FBLN1: variants seen among roughly 807,000 people sequenced by gnomAD.
The protein encoded by FBLN1 is fibulin-1.
In FBLN1, 34 loss-of-function variants were observed where a neutral mutation model predicts 89.7. That is an observed-to-expected ratio of 0.38 (90% CI 0.29 to 0.50). FBLN1 has a LOEUF of 0.50. FBLN1 is among the 20% of genes least tolerant of loss of function. The pLI, the probability that FBLN1 is intolerant of heterozygous loss-of-function variation, is 0.92. For synonymous variants in FBLN1, 393 were observed against 391.3 expected (o/e 1.00, Z -0.05); for missense variants, 777 against 988.1 (o/e 0.79, Z 2.86).
At chr22:45,504,048 C>T (rs999905846) in intron 1 of FBLN1, among the ~76,000 whole-genome samples, 1 of 152,200 alleles carries the variant, frequency 6.6e-6, no homozygotes, top group African/African-American at 2.4e-5. Context: ...CTTTGTTTCT[C>T]CAGTGGCCCA....
At chr22:45,534,153 A>G (rs1235874984) in intron 7 of FBLN1, among the ~76,000 whole-genome samples, 1 of 152,168 alleles carries the variant, frequency 6.6e-6, no homozygotes, top group Non-Finnish European at 1.5e-5. Context: ...GGTGCCAGCT[A>G]GTTCAGCTGT....
At chr22:45,555,270 GGAATATATA>G (rs1355186064) in intron 14 of FBLN1, among the ~76,000 whole-genome samples, 2 of 28,364 alleles carry the variant, frequency 7.1e-5, no homozygotes, top group Non-Finnish European at 1.7e-4. Context: ...TATATAAAAT[GGAATATATA>G]TATATATATA....
In FBLN1 at chr22:45,576,288, C is replaced by T. The variant is rs890882037; in HGVS notation, c.1841-689C>T. ...GTTTTGTGGCCTCTCCGGCCAGCCC[C>T]GATCTGAGTGTTGGTTATCGCAGGG... On this transcript the variant is annotated intron_variant, in intron 15 of 16. Coordinates refer to ENST00000327858, the MANE Select transcript of FBLN1 (RefSeq NM_006486.3). This position sits in a 1 kb window ranked among gnomAD's most constrained non-coding sequence, Gnocchi z 5.2. Among the ~76,000 whole-genome samples, 7 of 152,308 alleles carry T rather than the reference C, an allele frequency of 4.6e-5. No homozygotes were observed. Among genetic ancestry groups the T allele is most frequent in the African/African-American group, 1.4e-4 (6 of 41,546 alleles).
Position 45,559,997 on chromosome 22 carries a change from G to T in FBLN1, c.1697+9382G>T, listed in dbSNP as rs538389072. 2.0e-3 allele frequency among the ~76,000 whole-genome samples: 303 copies of T among 152,254 alleles called. 1 individual carries two copies. Among genetic ancestry groups the T allele is most frequent in the Admixed American group, 3.3e-3 (51 of 15,282 alleles). The stretch of plus-strand genomic sequence containing the variant: ...TTTTTGTAATTCAAATTAGTCTTTT[G>T]TCCACTTGATCTAGAAGTTTTCGGC... On this transcript the variant is annotated intron_variant, in intron 14 of 16. Coordinates refer to ENST00000327858, the MANE Select transcript of FBLN1 (RefSeq NM_006486.3).
rs2088669278 is a variant in FBLN1 at position 45,549,096 on chromosome 22, AG to A, written c.1573+356del. Reference sequence around the variant, plus strand: ...CGCCAGGGAGGAAGCAGTCCAGGCCAGGGGATGGCGTGGCCTGGTGTGGGAT... The same window carrying A: ...CGCCAGGGAGGAAGCAGTCCAGGCCAGGGATGGCGTGGCCTGGTGTGGGAT... On this transcript the variant is annotated intron_variant, in intron 13 of 16. Transcript: ENST00000327858. This position sits in a 1 kb window ranked among gnomAD's most constrained non-coding sequence, Gnocchi z 5.7. Among the ~76,000 whole-genome samples, 1 of 152,210 alleles carries A rather than the reference AG, an allele frequency of 6.6e-6. No individual in the cohort carries two copies. The highest frequency in any genetic ancestry group is 1.9e-4 in the East Asian group (1 of 5,188).
chr22:45,535,521 C>G (rs1192317496), intron 8 of FBLN1, 184 bp downstream of exon 8: 8 of 684,988 alleles, frequency 1.2e-5, no homozygotes, highest in Non-Finnish European at 2.0e-5. Flanking sequence ...CATATGGTCT[C>G]TGTCATAATA....
At position 45,542,341 on chromosome 22, in the gene FBLN1, A is replaced by G. The variant is rs377623408; in HGVS notation, c.1195+58A>G. 1.5e-5 allele frequency: 24 copies of G among 1,608,126 alleles called. No individual in the cohort carries two copies. The South Asian group carries it at 2.6e-4, about 18-fold the overall frequency. On this transcript the variant is annotated intron_variant, in intron 10 of 16. Transcript: ENST00000327858. ...CCCAGCCACGTGGCACCAGGGACAC[A>G]TTTCTGTGGCACCTCGAGTGATGTG...
intron 16 of FBLN1, among the ~76,000 whole-genome samples, chr22:45,600,082 G>A (rs1300652293): frequency 6.6e-6 from 1 of 152,236 alleles, no homozygotes; most frequent in Non-Finnish European, 1.5e-5. Flanking sequence ...GTCCCAGCAA[G>A]TAGTGAGTTC....
chr22:45,590,057 G>A lies in FBLN1; in HGVS notation c.1973-10250G>A, dbSNP rs2089122999. On this transcript the variant is annotated intron_variant, in intron 16 of 16. Coordinates refer to ENST00000327858, the MANE Select transcript of FBLN1 (RefSeq NM_006486.3). This position sits in a 1 kb window ranked among gnomAD's most constrained non-coding sequence, Gnocchi z 4.1. ...TGGCTGAGAGCCCCATGAAGAGCCAGACCAGGGCCAGGTGATGTTGGTAAC... is the reference window on the plus strand; with the variant it reads ...TGGCTGAGAGCCCCATGAAGAGCCAAACCAGGGCCAGGTGATGTTGGTAAC... 2.0e-5 allele frequency among the ~76,000 whole-genome samples: 3 copies of A among 152,184 alleles called. No homozygotes were observed. Among genetic ancestry groups the A allele is most frequent in the Admixed American group, 1.3e-4 (2 of 15,284 alleles).
intron 1 of FBLN1, among the ~76,000 whole-genome samples, chr22:45,507,871 T>G (rs1309274608): frequency 6.6e-6 from 1 of 152,082 alleles, no homozygotes; most frequent in Non-Finnish European, 1.5e-5. Context: ...AGTGAAAAGG[T>G]CCTGTGAGTT....
At chr22:45,546,765 A>C (rs2088633664) in intron 11 of FBLN1, among the ~76,000 whole-genome samples, 1 of 152,208 alleles carries the variant, frequency 6.6e-6, no homozygotes, top group South Asian at 2.1e-4. Context: ...TGGAGAGCAC[A>C]GGATCAGATT....
At position 45,600,555 on chromosome 22, in the gene FBLN1, T is replaced by A; in HGVS notation, c.*109T>A. ...CTCAGACTTTTTTAATGTTAGGTAT[T>A]TGTAGCATTAGGCCAACATGTATTA... On this transcript the variant is annotated 3_prime_UTR_variant, in exon 17 of 17. Transcript: ENST00000327858. The A allele has an allele frequency of 7.8e-7, 1 of 1,279,854 alleles. No individual in the cohort carries two copies. The highest frequency in any genetic ancestry group is 1.1e-6 in the Non-Finnish European group (1 of 877,674). 79.3% of individuals were successfully genotyped at this position (1,279,854 alleles called of 1,614,324 possible). A position where few individuals can be genotyped will look rare whatever the true frequency, so the allele number is the denominator to read the frequency against.
In FBLN1 at chr22:45,557,435, T is replaced by C. The variant is rs2088802975; in HGVS notation, c.1697+6820T>C. On this transcript the variant is annotated intron_variant, in intron 14 of 16. Coordinates refer to ENST00000327858, the MANE Select transcript of FBLN1 (RefSeq NM_006486.3). The surrounding 1 kb of genome is among the most constrained non-coding windows in gnomAD (Gnocchi z 4.9). ...GCATGGTGCCACATCGAGGGCTCAG[T>C]GTTGGTCTCTGCTACTGGCGAATTG... is the stretch of plus-strand genomic sequence containing the variant. 6.6e-6 allele frequency among the ~76,000 whole-genome samples: 1 copy of C among 151,998 alleles called. No individual in the cohort carries two copies. Among genetic ancestry groups the C allele is most frequent in the African/African-American group, 2.4e-5 (1 of 41,374 alleles).
At chr22:45,526,066 C>T (rs2088324128) in intron 3 of FBLN1, among the ~76,000 whole-genome samples, 1 of 152,212 alleles carries the variant, frequency 6.6e-6, no homozygotes. Flanking sequence ...TCAGGCTTCT[C>T]TACCCACAGA....
chr22:45,517,749 C>A, intron 1 of FBLN1: 1 of 412,998 alleles, frequency 2.4e-6, no homozygotes, highest in Non-Finnish European at 5.0e-6. Context: ...CAATCTGTAG[C>A]TTGAGGCTTA....
rs114005785 is a variant in FBLN1 at position 45,557,667 on chromosome 22, G to A, written c.1697+7052G>A. ...TTGATTATTAAAATCCTCCTCTGCT[G>A]AGCTCTTTTATGTGATATGGTGAGC... is the stretch of plus-strand genomic sequence containing the variant. On this transcript the variant is annotated intron_variant, in intron 14 of 16. Transcript: ENST00000327858. The surrounding 1 kb of genome is among the most constrained non-coding windows in gnomAD (Gnocchi z 4.9). Among the ~76,000 whole-genome samples the A allele has an allele frequency of 7.2e-3, 1,102 of 152,312 alleles. 7 individuals are homozygous for A. The highest frequency in any genetic ancestry group is 0.025 in the African/African-American group (1,036 of 41,558).
chr22:45,542,369 C>G, intron 10 of FBLN1, 86 bp downstream of exon 10: 1 of 1,532,926 alleles, frequency 6.5e-7, no homozygotes, highest in South Asian at 1.1e-5. Context: ...GTGATGTGGT[C>G]TGATCCTCAT....
chr22:45,541,387 A>G lies in FBLN1; in HGVS notation c.1066+15A>G, dbSNP rs2088554465. Reference sequence around the variant, plus strand: ...GCGCTGTGTTGGTTGGTATTAAGAAAACAAATCTGAAATCCACTTTCCTGT... The same window carrying G: ...GCGCTGTGTTGGTTGGTATTAAGAAGACAAATCTGAAATCCACTTTCCTGT... On this transcript the variant is annotated intron_variant, in intron 9 of 16. Transcript: ENST00000327858. 1 of 1,614,122 alleles carries G rather than the reference A, an allele frequency of 6.2e-7. No individual in the cohort carries two copies. The highest frequency in any genetic ancestry group is 8.5e-7 in the Non-Finnish European group (1 of 1,180,020).
chr22:45,507,316 T>C (rs944412236), intron 1 of FBLN1, among the ~76,000 whole-genome samples: 2 of 152,080 alleles, frequency 1.3e-5, no homozygotes, highest in Non-Finnish European at 2.9e-5. Flanking sequence ...GAGAAGGGGG[T>C]TAGGAAGCTG....
Sources: gnomAD v4.1 joint callset for allele counts (sites outside exome capture counted in the v4.1 genomes callset) on GRCh38, gnomAD v4.1.1 for gene constraint, Gnocchi (gnomAD v3.1) non-coding constraint, MANE v1.5 for transcripts, NCBI Gene and HGNC (gene_info 2026-07-23, HGNC 2026-07-21) for gene names.